Variants in SLC14A2 observed in about 807,000 individuals in gnomAD.
SLC14A2 encodes urea transporter 2.
A neutral mutation model predicts 104.6 loss-of-function variants in SLC14A2; 91 were observed. The ratio of observed to expected loss-of-function variants is 0.87; its 90% confidence interval spans 0.73 to 1.04. SLC14A2 has a LOEUF of 1.04. SLC14A2 is among the 50% of genes least tolerant of loss of function. SLC14A2 has a pLI of 0.00. For synonymous variants in SLC14A2, 476 were observed against 466.4 expected (o/e 1.02, Z -0.27); for missense variants, 1,189 against 1,156.0 (o/e 1.03, Z -0.41).
At chr18:45,617,770 A>G (rs2045096409) in intron 1 of SLC14A2, among the ~76,000 whole-genome samples, 1 of 152,114 alleles carries the variant, frequency 6.6e-6, no homozygotes, top group Admixed American at 6.5e-5. Flanking sequence ...TCACCTTCAG[A>G]GTCTACCAAC....
At chr18:45,300,225 G>A (rs2084954907) in intron 1 of SLC14A2, among the ~76,000 whole-genome samples, 1 of 152,142 alleles carries the variant, frequency 6.6e-6, no homozygotes. Flanking sequence ...AGGGGCTGCA[G>A]GCTCCTATGT....
At chr18:45,438,820 T>A (rs113101488) in intron 1 of SLC14A2, among the ~76,000 whole-genome samples, 4,347 of 152,300 alleles carry the variant, frequency 0.029, 100 homozygotes, top group Non-Finnish European at 0.045. Flanking sequence ...TAAGAATTCA[T>A]CAAGGAGCTG....
At chr18:45,499,097 C>A (rs1365312193) in intron 2 of SLC14A2, among the ~76,000 whole-genome samples, 1 of 152,206 alleles carries the variant, frequency 6.6e-6, no homozygotes, top group Non-Finnish European at 1.5e-5. Flanking sequence ...AACACCACCA[C>A]CACCACCTTC....
At chr18:45,358,087 T>A (rs1441733051) in intron 1 of SLC14A2, among the ~76,000 whole-genome samples, 1 of 152,212 alleles carries the variant, frequency 6.6e-6, no homozygotes. Flanking sequence ...CCCTTTTTGC[T>A]TGGTGAAGTG....
intron 2 of SLC14A2, among the ~76,000 whole-genome samples, chr18:45,572,966 T>G (rs1288247029): frequency 3.3e-5 from 5 of 152,206 alleles, no homozygotes; most frequent in Non-Finnish European, 7.3e-5. Flanking sequence ...TGTCACCATG[T>G]TGGCAGTTAA....
At chr18:45,676,288 T>C (rs941951558) in intron 18 of SLC14A2, among the ~76,000 whole-genome samples, 3 of 152,188 alleles carry the variant, frequency 2.0e-5, no homozygotes, top group Admixed American at 6.5e-5. Context: ...GACTTCCACA[T>C]AGGATCGGAG....
chr18:45,256,847 A>G (rs908414353), intron 1 of SLC14A2, among the ~76,000 whole-genome samples: 21 of 152,258 alleles, frequency 1.4e-4, no homozygotes, highest in African/African-American at 4.8e-4. Context: ...ATTTTGGAAT[A>G]TCAGCTCTGG....
At chr18:45,179,892 T>G in the SLC14A2 span, 1 of 151,922 alleles carries the variant, frequency 6.6e-6, no homozygotes, top group Non-Finnish European at 1.5e-5. Context: ...ATACCTGTAA[T>G]TCCTGCACTT....
chr18:45,377,249 ATT>A (rs113391997), intron 1 of SLC14A2, among the ~76,000 whole-genome samples: 4 of 144,606 alleles, frequency 2.8e-5, no homozygotes, highest in Non-Finnish European at 4.6e-5. Context: ...CTCAGGGGTG[ATT>A]TTTTTTTTTT....
chr18:45,260,050 A>G (rs1007436350), intron 1 of SLC14A2, among the ~76,000 whole-genome samples: 1 of 152,210 alleles, frequency 6.6e-6, no homozygotes, highest in Admixed American at 6.5e-5. Flanking sequence ...TTCAGGGAAG[A>G]CCAGTTCTAG....
intron 1 of SLC14A2, among the ~76,000 whole-genome samples, chr18:45,393,926 C>T (rs992846698): frequency 6.6e-6 from 1 of 152,176 alleles, no homozygotes; most frequent in Admixed American, 6.5e-5. Context: ...ACACCTGAGT[C>T]GTCATCATTA....
At chr18:45,346,121 G>A (rs765597490) in intron 1 of SLC14A2, among the ~76,000 whole-genome samples, 1 of 152,134 alleles carries the variant, frequency 6.6e-6, no homozygotes, top group Non-Finnish European at 1.5e-5. Flanking sequence ...TCTATGAATT[G>A]ACTATTCCAA....
At chr18:45,396,260 T>A (rs1472935938) in intron 1 of SLC14A2, among the ~76,000 whole-genome samples, 1 of 152,172 alleles carries the variant, frequency 6.6e-6, no homozygotes, top group South Asian at 2.1e-4. Flanking sequence ...TCTTCCCAGA[T>A]CTGTGTGATC....
At chr18:45,607,478 T>C (rs1199522375) in intron 2 of SLC14A2, among the ~76,000 whole-genome samples, 4 of 152,156 alleles carry the variant, frequency 2.6e-5, no homozygotes, top group Non-Finnish European at 5.9e-5. Context: ...TCAGCAAATA[T>C]TAGTTACTTC....
chr18:45,666,975 A>G lies in SLC14A2; in HGVS notation c.1598A>G (p.Glu533Gly), dbSNP rs763555737. ...TMEESSEIKV[E>G]TNISKTSWIR... ...GAGGAGAGCTCTGAGATAAAAGTGG[A>G]AACAAACATTTCCAAGACATCCTGG... Residue 533 changes from glutamate (E) to glycine (G), a missense_variant, in exon 13 of 20, where the codon GAA becomes GGA. Coordinates refer to ENST00000255226, the MANE Select transcript of SLC14A2 (RefSeq NM_007163.4). 6.2e-7 allele frequency: 1 copy of G among 1,614,160 alleles called. No individual in the cohort carries two copies. The highest frequency in any genetic ancestry group is 1.1e-5 in the South Asian group (1 of 91,086).
intron 1 of SLC14A2, among the ~76,000 whole-genome samples, chr18:45,398,351 G>A (rs1243575762): frequency 1.3e-5 from 2 of 152,112 alleles, no homozygotes; most frequent in Admixed American, 6.5e-5. Flanking sequence ...GAAACAAGAT[G>A]GCAGCACTAT....
intron 1 of SLC14A2, among the ~76,000 whole-genome samples, chr18:45,314,323 G>A (rs1277499915): frequency 6.6e-6 from 1 of 152,196 alleles, no homozygotes; most frequent in Non-Finnish European, 1.5e-5. Context: ...TAAATAAGTA[G>A]TAAACCCCTC....
intron 4 of SLC14A2, among the ~76,000 whole-genome samples, chr18:45,631,437 G>T (rs1389571568): frequency 1.3e-5 from 2 of 152,244 alleles, no homozygotes; most frequent in Non-Finnish European, 2.9e-5. Context: ...ATCAGGAGGA[G>T]AATTGTAGGT....
intron 17 of SLC14A2, 48 bp from the exon 18 acceptor site, chr18:45,673,635 G>A (rs186634041): frequency 1.2e-4 from 186 of 1,583,958 alleles, no homozygotes; most frequent in Middle Eastern, 6.7e-4. Flanking sequence ...CAGCAGATGG[G>A]CCCCATAAGA....
Sources: gnomAD v4.1 joint callset for allele counts (sites outside exome capture counted in the v4.1 genomes callset) on GRCh38, gnomAD v4.1.1 for gene constraint, MANE v1.5 for transcripts, NCBI Gene and HGNC (gene_info 2026-07-23, HGNC 2026-07-21) for gene names.